TAB2: variants seen among roughly 807,000 people sequenced by gnomAD.
TAB2 encodes the protein TGF-beta-activated kinase 1 and MAP3K7-binding protein 2.
TAB2 carries 3 observed loss-of-function variants against 65.0 expected under a neutral mutation model. The ratio of observed to expected loss-of-function variants is 0.05; its 90% CI spans 0.02 to 0.12. TAB2 has a LOEUF of 0.12. Ranked by LOEUF, TAB2 falls within the 10% of genes least tolerant of loss-of-function variation. The pLI is 1.00. For synonymous variants in TAB2, 298 were observed against 285.1 expected, an observed-to-expected ratio of 1.05 and a Z score of -0.46; for missense variants, 623 against 840.3, an observed-to-expected ratio of 0.74 and a Z score of 3.20.
chr6:149,359,752 GT>G (rs1433432746), intron 1 of TAB2, among the ~76,000 whole-genome samples: 1 of 152,022 alleles, frequency 6.6e-6, no homozygotes, highest in African/African-American at 2.4e-5. Context: ...TTCTGTCTTT[GT>G]TTCTGGCACC....
intron 1 of TAB2, among the ~76,000 whole-genome samples, chr6:149,287,176 A>G (rs1385486003): frequency 6.6e-6 from 1 of 152,218 alleles, no homozygotes; most frequent in Non-Finnish European, 1.5e-5. Context: ...TGTAGCCACA[A>G]AAAGTGTATA....
At chr6:149,387,118 ATG>A (rs1781831645) in intron 3 of TAB2, among the ~76,000 whole-genome samples, 1 of 152,036 alleles carries the variant, frequency 6.6e-6, no homozygotes, top group Admixed American at 6.5e-5. Flanking sequence ...TCCAAACTCT[ATG>A]TATTTTTTCT....
chr6:149,287,230 A>G (rs1196073101), intron 1 of TAB2, among the ~76,000 whole-genome samples: 1 of 152,248 alleles, frequency 6.6e-6, no homozygotes, highest in African/African-American at 2.4e-5. Flanking sequence ...ACATGAGTCA[A>G]CAGGTGAAAG....
upstream of TAB2, among the ~76,000 whole-genome samples, chr6:149,314,188 C>G (rs1018398886): frequency 6.6e-6 from 1 of 152,198 alleles, no homozygotes. Flanking sequence ...ACTATATTAA[C>G]TCTTCATTAT....
At chr6:149,376,886 T>TTC (rs1554263042) in intron 2 of TAB2, among the ~76,000 whole-genome samples, 2 of 143,138 alleles carry the variant, frequency 1.4e-5, no homozygotes, top group Non-Finnish European at 3.1e-5. Context: ...AATCTGAGGT[T>TTC]CCCCCCCCCC....
chr6:149,390,314 A>G (rs1781940528), intron 3 of TAB2, among the ~76,000 whole-genome samples: 3 of 152,350 alleles, frequency 2.0e-5, no homozygotes, highest in Admixed American at 2.0e-4. Context: ...AAAAGATACC[A>G]GAAGTAAGTA....
chr6:149,378,517 C>G lies in TAB2; in HGVS notation c.602C>G (p.Pro201Arg). 1 of 1,614,168 alleles carries G rather than the reference C, an allele frequency of 6.2e-7. No homozygotes were observed. Among genetic ancestry groups the G allele is most frequent in the Non-Finnish European group, 8.5e-7 (1 of 1,180,046 alleles). ...TPTSLHIHGVPPPVLNSPQGN... is the reference protein window; with the variant it reads ...TPTSLHIHGVRPPVLNSPQGN... Reference sequence around the variant, plus strand: ...ACATCTTTGCACATACATGGTGTACCTCCACCTGTACTTAACAGTCCACAG... The same window carrying G: ...ACATCTTTGCACATACATGGTGTACGTCCACCTGTACTTAACAGTCCACAG... Residue 201 changes from proline (P) to arginine (R), a missense_variant, in exon 3 of 7, where the codon CCT becomes CGT. Pro to Arg is a moderately radical substitution (Grantham distance 103). Around this residue, in one of 3 missense-constraint regions of TAB2, gnomAD observed 550 missense variants for 665.7 expected, o/e 0.83. Coordinates refer to ENST00000637181, the MANE Select transcript of TAB2 (RefSeq NM_001292034.3).
At chr6:149,355,142 A>G (rs760308098) in intron 1 of TAB2, among the ~76,000 whole-genome samples, 3 of 152,050 alleles carry the variant, frequency 2.0e-5, no homozygotes, top group Non-Finnish European at 4.4e-5. Flanking sequence ...CCGCCCCTAT[A>G]CTTTTTTGTT....
chr6:149,275,287 AG>A (rs1562397040), intron 1 of TAB2, among the ~76,000 whole-genome samples: 1,637 of 148,652 alleles, frequency 0.011, 31 homozygotes, highest in Middle Eastern at 0.021. Context: ...AAAGAAAGAA[AG>A]AAAGAAAGAA....
intron 1 of TAB2, among the ~76,000 whole-genome samples, chr6:149,276,511 A>T (rs1378350970): frequency 1.3e-5 from 2 of 152,014 alleles, no homozygotes; most frequent in African/African-American, 2.4e-5. Context: ...TTCCCTATAA[A>T]CTCCAAATTT....
rs548311405 is a variant in TAB2 at position 149,274,654 on chromosome 6, T to G, written c.-121+55878T>G. Among the ~76,000 whole-genome samples the G allele has an allele frequency of 2.0e-5, 3 of 151,904 alleles. No individual in the cohort carries two copies. In the East Asian group the frequency reaches 5.8e-4, roughly 29 times the overall value. Reference sequence around the variant, plus strand: ...GAGGAAAAGGTCCTTTGAGAAAGGGTAAAAAAAGAGTAATGATTTGGGCCT... The same window carrying G: ...GAGGAAAAGGTCCTTTGAGAAAGGGGAAAAAAAGAGTAATGATTTGGGCCT... On this transcript the variant is annotated intron_variant, in intron 1 of 1. Coordinates refer to the TAB2 transcript ENST00000606202.
rs1002679542 is a variant in TAB2 at position 149,378,529 on chromosome 6, T to G, written c.614T>G (p.Leu205Arg). The part of the protein sequence containing the change: ...LHIHGVPPPV[L>R]NSPQGNSIYI... ...ATACATGGTGTACCTCCACCTGTAC[T>G]TAACAGTCCACAGGGAAATTCTATC... The change falls in exon 3 of 7, where the codon CTT (leucine) becomes CGT (arginine). Residue 205 changes from leucine to arginine, a missense_variant. This residue lies in a region of TAB2 where 550 missense variants were observed against 665.7 expected (regional missense o/e 0.83). Coordinates refer to ENST00000637181, the MANE Select transcript of TAB2 (RefSeq NM_001292034.3). The G allele has an allele frequency of 6.2e-7, 1 of 1,614,164 alleles. No homozygotes were observed. The highest frequency in any genetic ancestry group is 8.5e-7 in the Non-Finnish European group (1 of 1,180,046).
intron 1 of TAB2, among the ~76,000 whole-genome samples, chr6:149,355,340 G>A (rs564392007): frequency 6.6e-6 from 1 of 152,124 alleles, no homozygotes; most frequent in Non-Finnish European, 1.5e-5. Context: ...TAAGCTGTTT[G>A]GTTCTTTTTT....
Position 149,308,614 on chromosome 6 carries a change from C to T in TAB2, c.-120-69404C>T, listed in dbSNP as rs568737845. ...ACAATCTCAGGCTCACCGTAACCTC[C>T]GCCTCCCAGGTTCAAGTGATTCTCC... On this transcript the variant is annotated intron_variant, in intron 1 of 1. Coordinates refer to the TAB2 transcript ENST00000606202. 7.9e-5 allele frequency among the ~76,000 whole-genome samples: 12 copies of T among 152,020 alleles called. No homozygotes were observed. In the South Asian group the frequency reaches 1.9e-3, roughly 24 times the overall value.
chr6:149,264,586 C>T (rs571893507), intron 1 of TAB2, among the ~76,000 whole-genome samples: 4 of 152,220 alleles, frequency 2.6e-5, no homozygotes, highest in Non-Finnish European at 5.9e-5. Context: ...GAGTACAGTG[C>T]GTTTTAAAAC....
intron 1 of TAB2, among the ~76,000 whole-genome samples, chr6:149,340,672 C>T (rs1268515771): frequency 6.6e-6 from 1 of 152,040 alleles, no homozygotes; most frequent in Non-Finnish European, 1.5e-5. Context: ...AAAGCCTATT[C>T]ATATGAGTTA....
chr6:149,237,686 T>TCTC (rs147424584), intron 1 of TAB2, among the ~76,000 whole-genome samples: 62 of 152,020 alleles, frequency 4.1e-4, no homozygotes, highest in African/African-American at 1.4e-3. Context: ...AGAACTCACC[T>TCTC]CTCCTGGAAC....
intron 2 of TAB2, among the ~76,000 whole-genome samples, 160 bp downstream of exon 2, chr6:149,370,259 T>G (rs1392530362): frequency 6.6e-6 from 1 of 152,220 alleles, no homozygotes; most frequent in Non-Finnish European, 1.5e-5. Context: ...TTTGGCAAGA[T>G]GGAGCTTTCT....
chr6:149,342,991 T>C (rs539455917), intron 1 of TAB2, among the ~76,000 whole-genome samples: 1 of 152,210 alleles, frequency 6.6e-6, no homozygotes, highest in African/African-American at 2.4e-5. Flanking sequence ...GTATTGAGTT[T>C]AACATACCTT....
Sources: gnomAD v4.1 joint callset for allele counts (sites outside exome capture counted in the v4.1 genomes callset) on GRCh38, gnomAD v4.1.1 for gene constraint, gnomAD v4.1.1 regional missense constraint, MANE v1.5 for transcripts, NCBI Gene and HGNC (gene_info 2026-07-23, HGNC 2026-07-21) for gene names.